USP34: variants seen among roughly 807,000 people sequenced by gnomAD.
USP34 encodes ubiquitin specific peptidase 34.
A neutral mutation model predicts 460.3 loss-of-function variants in USP34; 70 were observed. The observed-to-expected ratio is 0.15, with a 90% CI of 0.13 to 0.19. USP34 has a LOEUF of 0.19. USP34 is among the 10% of genes least tolerant of loss of function. USP34 has a pLI of 1.00. For synonymous variants in USP34, 1,647 were observed against 1,405.3 expected (o/e 1.17, Z -3.85); for missense variants, 3,985 against 4,236.2 (o/e 0.94, Z 1.65).
chr2:61,452,313 C>A (rs1406257417), intron 1 of USP34, among the ~76,000 whole-genome samples: 1 of 148,212 alleles, frequency 6.7e-6, no homozygotes, highest in East Asian at 2.0e-4. Flanking sequence ...CTATAATTCC[C>A]GGCACTTTTT....
At chr2:61,191,975 T>G (rs1686658790) in intron 76 of USP34, among the ~76,000 whole-genome samples, 1 of 152,186 alleles carries the variant, frequency 6.6e-6, no homozygotes, top group African/African-American at 2.4e-5. Context: ...CAACGTGGCA[T>G]TTCTTCAGGG....
intron 1 of USP34, among the ~76,000 whole-genome samples, chr2:61,440,085 C>A (rs1309481933): frequency 1.3e-5 from 2 of 152,132 alleles, no homozygotes; most frequent in African/African-American, 4.8e-5. Flanking sequence ...TGAGGGCTCA[C>A]TGAGGCACCT....
At chr2:61,297,165 T>C (rs573099972) in intron 29 of USP34, among the ~76,000 whole-genome samples, 1 of 152,234 alleles carries the variant, frequency 6.6e-6, no homozygotes, top group Non-Finnish European at 1.5e-5. Flanking sequence ...AGACTGATCA[T>C]GTTCCTCATG....
intron 43 of USP34, among the ~76,000 whole-genome samples, chr2:61,263,612 G>C (rs1688961635): frequency 6.6e-6 from 1 of 151,958 alleles, no homozygotes; most frequent in South Asian, 2.1e-4. Context: ...CTCCCAAATA[G>C]CTGGGATTAG....
chr2:61,201,505 G>T (rs923694718), intron 75 of USP34, among the ~76,000 whole-genome samples: 1 of 152,088 alleles, frequency 6.6e-6, no homozygotes, highest in South Asian at 2.1e-4. Context: ...GAGCCACCAC[G>T]TCCGGCCCTT....
chr2:61,192,855 G>A, intron 76 of USP34, 46 bp downstream of exon 76: 13 of 1,521,844 alleles, frequency 8.5e-6, no homozygotes, highest in South Asian at 1.2e-5. Context: ...TGACCACTTG[G>A]TCAGATAAGA....
chr2:61,446,236 T>G (rs1020433380), intron 1 of USP34, among the ~76,000 whole-genome samples: 2 of 152,040 alleles, frequency 1.3e-5, no homozygotes, highest in African/African-American at 4.8e-5. Context: ...AGTGGAACTG[T>G]TATATATTTT....
Position 61,470,770 on chromosome 2 carries a change from G to A in USP34, c.-78C>T, listed in dbSNP as rs1013087601. The A allele has an allele frequency of 3.0e-6, 4 of 1,317,714 alleles. No individual in the cohort carries two copies. The highest frequency in any genetic ancestry group is 1.5e-5 in the African/African-American group (1 of 65,570). The allele number at this position is 1,317,714 out of a possible 1,614,324, so 81.6% of individuals were successfully genotyped here. ...CGACCGGCGGGGGGGAGGGGAGAGAGGCGGAGGAGGGGGCCGGCCGGCCGG... is the reference window on the plus strand; with the variant it reads ...CGACCGGCGGGGGGGAGGGGAGAGAAGCGGAGGAGGGGGCCGGCCGGCCGG... On this transcript the variant is annotated 5_prime_UTR_variant, in exon 1 of 80. Coordinates refer to ENST00000398571, the MANE Select transcript of USP34 (RefSeq NM_014709.4).
At chr2:61,313,607 T>C (rs1220436305) in intron 25 of USP34, among the ~76,000 whole-genome samples, 1 of 152,166 alleles carries the variant, frequency 6.6e-6, no homozygotes, top group Non-Finnish European at 1.5e-5. Flanking sequence ...TTGCTCTTTT[T>C]AAAATTTTAT....
intron 59 of USP34, among the ~76,000 whole-genome samples, chr2:61,229,223 AAC>A (rs1272789279): frequency 1.3e-5 from 2 of 150,548 alleles, no homozygotes; most frequent in East Asian, 3.9e-4. Flanking sequence ...ATAAAACAAA[AAC>A]AGTTTTACCT....
In USP34 at chr2:61,331,391, A is replaced by T; in HGVS notation, c.2835-20T>A. ...GCCCACCTGGCCCAAATAAAAGAAA[A>T]AATAATTTTAAAGTGGGCAGGGTAA... On this transcript the variant is annotated intron_variant, in intron 19 of 79. Coordinates refer to ENST00000398571, the MANE Select transcript of USP34 (RefSeq NM_014709.4). The T allele has an allele frequency of 6.3e-7, 1 of 1,597,196 alleles. No individual in the cohort carries two copies. Among genetic ancestry groups the T allele is most frequent in the South Asian group, 1.1e-5 (1 of 89,094 alleles).
rs374578672 is a variant in USP34, at chr2:61,396,001, G to A, written c.553-768C>T. Among the ~76,000 whole-genome samples, 6 of 149,744 alleles carry A rather than the reference G, an allele frequency of 4.0e-5. No homozygotes were observed. The East Asian group carries it at 1.2e-3, about 29-fold the overall frequency. ...GAACCTGGGAGGCAGAGGTTGCAGT[G>A]AGCTGAAATCACGCCATTACACTCC... On this transcript the variant is annotated intron_variant, in intron 3 of 79. Coordinates refer to ENST00000398571, the MANE Select transcript of USP34 (RefSeq NM_014709.4).
At chr2:61,418,849 T>C (rs1694275692) in intron 2 of USP34, among the ~76,000 whole-genome samples, 1 of 152,240 alleles carries the variant, frequency 6.6e-6, no homozygotes, top group South Asian at 2.1e-4. Flanking sequence ...AGCTAACAAC[T>C]GTTCATACTT....
chr2:61,374,139 G>C (rs1389276399), intron 8 of USP34, among the ~76,000 whole-genome samples: 2 of 143,452 alleles, frequency 1.4e-5, no homozygotes, highest in Non-Finnish European at 3.0e-5. Context: ...CTGGGCAATA[G>C]AGCGAGACTC....
intron 23 of USP34, among the ~76,000 whole-genome samples, chr2:61,317,425 G>A (rs1482876856): frequency 6.6e-6 from 1 of 152,154 alleles, no homozygotes; most frequent in Admixed American, 6.5e-5. Flanking sequence ...TACTTCGGGG[G>A]CTGAGGCTAG....
chr2:61,363,333 T>C (rs558494421), intron 10 of USP34, among the ~76,000 whole-genome samples: 1 of 152,314 alleles, frequency 6.6e-6, no homozygotes, highest in Non-Finnish European at 1.5e-5. Context: ...AGAATTACCA[T>C]GTGATCCAGA....
At chr2:61,323,746 T>C (rs772511754) in intron 21 of USP34, among the ~76,000 whole-genome samples, 2 of 152,222 alleles carry the variant, frequency 1.3e-5, no homozygotes, top group African/African-American at 2.4e-5. Context: ...AACTTAAATG[T>C]TCATGGTATC....
chr2:61,395,688 A>C (rs1693498430), intron 3 of USP34, among the ~76,000 whole-genome samples: 1 of 144,848 alleles, frequency 6.9e-6, no homozygotes, highest in Non-Finnish European at 1.5e-5. Flanking sequence ...CGGGAGGCTG[A>C]GGCAGGAGAA....
In USP34 at chr2:61,211,874, A is replaced by G. The variant is rs901335598; in HGVS notation, c.8738T>C (p.Met2913Thr). ...AATATCTTCTAATTCTTCTTCTCTC[A>G]TATCTGGCCTCTGAGCTATAAACAG... ...MQLFIAQRPD[M>T]REEELEDIKQ... is the part of the protein sequence containing the mutation. The change falls in exon 69 of 80, where the codon ATG becomes ACG. Residue 2913 changes from methionine (M) to threonine (T), a missense_variant. Around this residue, in one of 14 missense-constraint regions of USP34, gnomAD observed 275 missense variants for 292.7 expected, o/e 0.94. Transcript: ENST00000398571. 6 of 1,609,964 alleles carry G rather than the reference A, an allele frequency of 3.7e-6. No individual in the cohort carries two copies. The highest frequency in any genetic ancestry group is 5.1e-6 in the Non-Finnish European group (6 of 1,178,816).
Sources: allele counts gnomAD v4.1 joint callset (sites outside exome capture counted in the v4.1 genomes callset), GRCh38; gene constraint gnomAD v4.1.1; regional missense constraint gnomAD v4.1.1; transcripts MANE v1.5; gene names NCBI Gene and HGNC (gene_info 2026-07-23, HGNC 2026-07-21).